Variants in CARM1 observed in about 807,000 individuals in gnomAD.
CARM1 encodes the protein histone-arginine methyltransferase CARM1.
In CARM1, 14 loss-of-function variants were observed where a neutral mutation model predicts 72.7. That is an observed-to-expected ratio of 0.19 (90% CI 0.13 to 0.30). CARM1 has a LOEUF of 0.30. Among genes scored for constraint, CARM1 ranks in the 10% least tolerant of loss-of-function variants. CARM1 has a pLI of 1.00. For synonymous variants in CARM1, 333 were observed against 345.5 expected (o/e 0.96, Z 0.40); for missense variants, 432 against 833.7 (o/e 0.52, Z 5.93).
At position 10,912,407 on chromosome 19, in the gene CARM1, C is replaced by CT; in HGVS notation, c.669+116dup. ...GGGGCCTGGGGACATTACTTCTGTG[C>CT]TTTGGTCTCTTTATTGTCCCCAAGA... On this transcript the variant is annotated intron_variant, in intron 5 of 15. Transcript: ENST00000327064. The surrounding 1 kb of genome is among the most constrained non-coding windows in gnomAD (Gnocchi z 4.5). 1 of 731,924 alleles carries CT rather than the reference C, an allele frequency of 1.4e-6. No homozygotes were observed. The highest frequency in any genetic ancestry group is 2.4e-6 in the Non-Finnish European group (1 of 417,582). The allele number at this position is 731,924 out of a possible 1,614,324, so 45.3% of individuals were successfully genotyped here. A position where few individuals can be genotyped will look rare whatever the true frequency, so the allele number is the denominator to read the frequency against.
Position 10,873,624 on chromosome 19 carries a change from G to GTTTTTTTTT in CARM1, c.220+1727_220+1735dup, listed in dbSNP as rs1169565864. Among the ~76,000 whole-genome samples the GTTTTTTTTT allele has an allele frequency of 6.8e-4, 32 of 47,348 alleles. 1 individual carries two copies. Among genetic ancestry groups the GTTTTTTTTT allele is most frequent in the Admixed American group, 1.5e-3 (4 of 2,678 alleles). 31.1% of individuals were successfully genotyped at this position (47,348 alleles called of 152,430 possible). On this transcript the variant is annotated intron_variant, in intron 1 of 15. Transcript: ENST00000327064. ...TTTTTTTTAGAACAATTTTAGTTTA[G>GTTTTTTTTT]TTTTTTTTTTTTTTTTTTTTTTTTT...
intron 2 of CARM1, among the ~76,000 whole-genome samples, chr19:10,907,274 A>G (rs2074112777): frequency 6.6e-6 from 1 of 151,712 alleles, no homozygotes; most frequent in Non-Finnish European, 1.5e-5. Context: ...GGGCTCAAGC[A>G]GTCCACCCGC....
intron 6 of CARM1, among the ~76,000 whole-genome samples, chr19:10,914,709 C>A (rs1215519304): frequency 6.6e-6 from 1 of 152,222 alleles, no homozygotes; most frequent in Non-Finnish European, 1.5e-5. Flanking sequence ...GTGTGCACCA[C>A]CACGCCCAGC....
At position 10,916,438 on chromosome 19, in the gene CARM1, C is replaced by T. The variant is rs1332501063; in HGVS notation, c.879C>T (p.His293=). The T allele has an allele frequency of 1.9e-6, 3 of 1,613,922 alleles. No homozygotes were observed. Among genetic ancestry groups the T allele is most frequent in the Admixed American group, 1.7e-5 (1 of 60,022 alleles). Residue 293 remains histidine (H), a synonymous_variant, in exon 7 of 16, where the codon CAC becomes CAT. Coordinates refer to ENST00000327064, the MANE Select transcript of CARM1 (RefSeq NM_199141.2). This position sits in a 1 kb window ranked among gnomAD's most constrained non-coding sequence, Gnocchi z 4.4. The part of the protein sequence containing the change: ...GNMFPTIGDV[H]LAPFTDEQLY... ...TGTTTCCTACCATTGGTGACGTCCA[C>T]CTTGCACCCTTCACGGATGAACAGC...
At chr19:10,872,494 T>C (rs2073827098) in intron 1 of CARM1, among the ~76,000 whole-genome samples, 1 of 152,006 alleles carries the variant, frequency 6.6e-6, no homozygotes, top group Non-Finnish European at 1.5e-5. Context: ...AACTTCAGGA[T>C]CTGGGGAGAG....
In CARM1 at chr19:10,908,035, C is replaced by G. The variant is rs1476507452; in HGVS notation, c.347-4C>G. On this transcript the variant is annotated splice_region_variant and splice_polypyrimidine_tract_variant and intron_variant, in intron 2 of 15. Coordinates refer to ENST00000327064, the MANE Select transcript of CARM1 (RefSeq NM_199141.2). ...CCCCCGGTGACTTGGCTTCCCTGTT[C>G]CAGATTTCTGTTCCTTCTACAACAT... 1.9e-6 allele frequency: 3 copies of G among 1,610,124 alleles called. No homozygotes were observed. The highest frequency in any genetic ancestry group is 1.3e-5 in the African/African-American group (1 of 74,850).
intron 5 of CARM1, among the ~76,000 whole-genome samples, chr19:10,913,216 T>C (rs2063163971): frequency 6.6e-6 from 1 of 151,992 alleles, no homozygotes; most frequent in African/African-American, 2.4e-5. Flanking sequence ...GTGATTCTCC[T>C]GTCTCAGGCT....
chr19:10,905,097 T>C (rs2074093100), intron 2 of CARM1, 21 bp downstream of exon 2: 1 of 1,610,790 alleles, frequency 6.2e-7, no homozygotes. Flanking sequence ...CTCCTTCCAT[T>C]CCGGTGACAC....
chr19:10,875,974 C>T (rs576369223), intron 1 of CARM1, among the ~76,000 whole-genome samples: 295 of 150,192 alleles, frequency 2.0e-3, no homozygotes, highest in African/African-American at 6.8e-3. Flanking sequence ...TCGAGCGATT[C>T]GCCTGCTTTG....
chr19:10,874,407 T>C (rs1167517593), intron 1 of CARM1, among the ~76,000 whole-genome samples: 1 of 152,084 alleles, frequency 6.6e-6, no homozygotes, highest in Admixed American at 6.6e-5. Context: ...TTTTTTATTT[T>C]TTCAGACAGG....
chr19:10,917,741 G>A (rs1238314790), intron 8 of CARM1, among the ~76,000 whole-genome samples: 2 of 134,756 alleles, frequency 1.5e-5, no homozygotes, highest in African/African-American at 2.8e-5. Context: ...TTTTTGAGAC[G>A]GAGTCTTGCT....
intron 1 of CARM1, among the ~76,000 whole-genome samples, chr19:10,881,781 G>A (rs2073904034): frequency 6.6e-6 from 1 of 152,122 alleles, no homozygotes; most frequent in Non-Finnish European, 1.5e-5. Flanking sequence ...CCATAGTGCG[G>A]TAGCTCCCAT....
intron 1 of CARM1, among the ~76,000 whole-genome samples, chr19:10,901,015 T>C (rs1236071086): frequency 6.9e-6 from 1 of 145,440 alleles, no homozygotes; most frequent in African/African-American, 2.6e-5. Context: ...GGAGTCTCAC[T>C]CTGTTGCCCA....
At chr19:10,893,405 C>G in intron 1 of CARM1, among the ~76,000 whole-genome samples, 1 of 151,062 alleles carries the variant, frequency 6.6e-6, no homozygotes, top group East Asian at 2.0e-4. Context: ...GTGGTGCGAT[C>G]TCGGCTCACT....
intron 1 of CARM1, among the ~76,000 whole-genome samples, chr19:10,888,738 T>C (rs2073959707): frequency 6.6e-6 from 1 of 152,216 alleles, no homozygotes; most frequent in African/African-American, 2.4e-5. Flanking sequence ...GCTGTCTCTT[T>C]TGTAGTGCAC....
In CARM1 at chr19:10,888,225, C is replaced by T. The variant is rs527426282; in HGVS notation, c.220+16303C>T. On this transcript the variant is annotated intron_variant, in intron 1 of 15. Coordinates refer to ENST00000327064, the MANE Select transcript of CARM1 (RefSeq NM_199141.2). ...ATTGCCTCCTTGTAGTGGTGAGGCT[C>T]AGGGGTCAACTAGCCTGGCCTGGCA... 2.6e-5 allele frequency among the ~76,000 whole-genome samples: 4 copies of T among 152,300 alleles called. No homozygotes were observed. The East Asian group carries it at 7.7e-4, about 29-fold the overall frequency.
chr19:10,902,239 C>T (rs1353430422), intron 1 of CARM1, among the ~76,000 whole-genome samples: 1 of 151,402 alleles, frequency 6.6e-6, no homozygotes, highest in African/African-American at 2.4e-5. Context: ...GAGTGAGACT[C>T]CATCTCAAAA....
chr19:10,919,658 G>T lies in CARM1; in HGVS notation c.1084G>T (p.Ala362Ser). 6.2e-7 allele frequency: 1 copy of T among 1,613,914 alleles called. No individual in the cohort carries two copies. The highest frequency in any genetic ancestry group is 8.5e-7 in the Non-Finnish European group (1 of 1,179,750). Residue 362 changes from alanine (A) to serine (S), a missense_variant, in exon 9 of 16, where the codon GCC (alanine) becomes TCC (serine). By Grantham distance (99) the Ala-to-Ser change is moderately conservative. Around this residue, in one of 3 missense-constraint regions of CARM1, gnomAD observed 152 missense variants for 452.8 expected, o/e 0.34. Transcript: ENST00000327064. ...SVKYTVNFLE[A>S]KEGDLHRIEI... Reference sequence around the variant, plus strand: ...CAAGTACACGGTGAACTTCTTAGAAGCCAAAGAAGGAGATTTGCACAGGTA... The same window carrying T: ...CAAGTACACGGTGAACTTCTTAGAATCCAAAGAAGGAGATTTGCACAGGTA...
chr19:10,920,067 C>T lies in CARM1; in HGVS notation c.1196+101C>T. 1 of 890,558 alleles carries T rather than the reference C, an allele frequency of 1.1e-6. No individual in the cohort carries two copies. Among genetic ancestry groups the T allele is most frequent in the Non-Finnish European group, 1.8e-6 (1 of 548,106 alleles). 55.2% of individuals were successfully genotyped at this position (890,558 alleles called of 1,614,324 possible). A position where few individuals can be genotyped will look rare whatever the true frequency, so the allele number is the denominator to read the frequency against. ...GGTGGAACATGGCTCCAGGTTCCAC[C>T]ATCCCTTCCAATGGGAGTGAGAGCC... On this transcript the variant is annotated intron_variant, in intron 10 of 15. Transcript: ENST00000327064. This position sits in a 1 kb window ranked among gnomAD's most constrained non-coding sequence, Gnocchi z 5.3.
Sources: gnomAD v4.1 joint callset for allele counts (sites outside exome capture counted in the v4.1 genomes callset) on GRCh38, gnomAD v4.1.1 for gene constraint, gnomAD v4.1.1 regional missense constraint, Gnocchi (gnomAD v3.1) non-coding constraint, MANE v1.5 for transcripts, NCBI Gene and HGNC (gene_info 2026-07-23, HGNC 2026-07-21) for gene names.